GLB1: variants seen among roughly 807,000 people sequenced by gnomAD.
GLB1 encodes the protein beta-galactosidase.
GLB1 carries 56 observed loss-of-function variants against 74.0 expected under a neutral mutation model. The observed-to-expected ratio is 0.76, with a 90% CI of 0.61 to 0.94. The LOEUF (loss-of-function observed/expected upper bound fraction) is 0.94. GLB1 is among the 40% of genes least tolerant of loss of function. The pLI is 0.00. For missense variants in GLB1, 787 were observed against 845.5 expected (o/e 0.93, Z 0.86); for synonymous variants, 323 against 323.6 (o/e 1.00, Z 0.02).
chr3:33,078,462 T>C (rs1207752956), intron 1 of GLB1, among the ~76,000 whole-genome samples: 1 of 152,210 alleles, frequency 6.6e-6, no homozygotes, highest in Non-Finnish European at 1.5e-5. Flanking sequence ...TCTCATGTTA[T>C]GATTTAACAC....
chr3:33,041,867 A>C (rs1210172673), intron 10 of GLB1, among the ~76,000 whole-genome samples: 1 of 152,050 alleles, frequency 6.6e-6, no homozygotes, highest in East Asian at 1.9e-4. Context: ...CAAGCTGTGC[A>C]TTCATATATC....
Position 33,072,726 on chromosome 3 carries a change from G to T in GLB1, c.76-13C>A. 1.2e-6 allele frequency: 2 copies of T among 1,614,062 alleles called. No homozygotes were observed. Among genetic ancestry groups the T allele is most frequent in the Non-Finnish European group, 1.7e-6 (2 of 1,180,024 alleles). On this transcript the variant is annotated splice_polypyrimidine_tract_variant and intron_variant, in intron 1 of 15. Transcript: ENST00000307363. Reference sequence around the variant, plus strand: ...TCTGGGTGGCATTCTACAGAGCAAGGATGGGGTCACATGAGAACTTCCACC... The same window carrying T: ...TCTGGGTGGCATTCTACAGAGCAAGTATGGGGTCACATGAGAACTTCCACC...
chr3:32,970,934 A>G, the GLB1 span, among the ~76,000 whole-genome samples: 268 of 152,294 alleles, frequency 1.8e-3, 2 homozygotes, highest in African/African-American at 5.4e-3. Flanking sequence ...CCTCCCTCCT[A>G]TAAAGGGCCT....
intron 10 of GLB1, among the ~76,000 whole-genome samples, chr3:33,039,721 C>A (rs917817330): frequency 6.6e-6 from 1 of 152,030 alleles, no homozygotes; most frequent in African/African-American, 2.4e-5. Flanking sequence ...AGATAACAGC[C>A]AAGAATGTTC....
intron 1 of GLB1, chr3:33,092,871 G>A (rs1299580234): frequency 6.2e-7 from 1 of 1,612,338 alleles, no homozygotes; most frequent in East Asian, 2.2e-5. Context: ...TGTGATCTCG[G>A]CCCTGCTACC....
At chr3:33,075,320 C>G (rs1700067264) in intron 1 of GLB1, among the ~76,000 whole-genome samples, 1 of 152,156 alleles carries the variant, frequency 6.6e-6, no homozygotes, top group Non-Finnish European at 1.5e-5. Context: ...TGAAATCCAC[C>G]TGTCTAAGTG....
chr3:32,967,409 A>C, the GLB1 span, among the ~76,000 whole-genome samples: 1 of 152,226 alleles, frequency 6.6e-6, no homozygotes, highest in Non-Finnish European at 1.5e-5. Context: ...TCTACTAAAA[A>C]TACAAAAATT....
At chr3:32,976,591 G>T in the GLB1 span, among the ~76,000 whole-genome samples, 1 of 152,140 alleles carries the variant, frequency 6.6e-6, no homozygotes, top group Non-Finnish European at 1.5e-5. Context: ...TTGGCCATGG[G>T]AGGCAGCAGT....
chr3:33,077,887 A>G (rs72856166), intron 1 of GLB1, among the ~76,000 whole-genome samples: 2,096 of 152,104 alleles, frequency 0.014, 37 homozygotes, highest in African/African-American at 0.048. Context: ...ACTTTATTCA[A>G]TTGTAGAATG....
intron 15 of GLB1, among the ~76,000 whole-genome samples, chr3:33,000,519 G>T (rs1385690950): frequency 6.6e-6 from 1 of 152,194 alleles, no homozygotes; most frequent in Non-Finnish European, 1.5e-5. Context: ...TTGGGGTCAG[G>T]AGTTCGAGAC....
At position 33,041,687 on chromosome 3, in the gene GLB1, A is replaced by G. The variant is rs566782230; in HGVS notation, c.1068+4433T>C. Among the ~76,000 whole-genome samples, 34 of 152,042 alleles carry G rather than the reference A, an allele frequency of 2.2e-4. No homozygotes were observed. The South Asian group carries it at 6.7e-3, about 30-fold the overall frequency. On this transcript the variant is annotated intron_variant, in intron 10 of 15. Transcript: ENST00000307363. ...AAAAAAAAAAAAAAAGAAAGAAAGA[A>G]AAGAAAAACTGCATTTTGAAAATGA...
chr3:33,078,182 G>A (rs928480137), intron 1 of GLB1, among the ~76,000 whole-genome samples: 1 of 152,152 alleles, frequency 6.6e-6, no homozygotes, highest in East Asian at 1.9e-4. Flanking sequence ...AGGTCAAGGC[G>A]ATGGTGAGAT....
At chr3:33,092,668 C>T (rs1370582703) in intron 1 of GLB1, 5 of 1,402,384 alleles carry the variant, frequency 3.6e-6, no homozygotes, top group Admixed American at 2.9e-5. Flanking sequence ...CCTGAACATG[C>T]CAGGCAGGCC....
intron 1 of GLB1, among the ~76,000 whole-genome samples, chr3:33,081,445 G>T (rs1700321206): frequency 6.6e-6 from 1 of 152,190 alleles, no homozygotes; most frequent in Non-Finnish European, 1.5e-5. Context: ...GACTGCCTTG[G>T]CATCCTGAGA....
chr3:33,077,341 C>T, intron 1 of GLB1: 1 of 1,515,684 alleles, frequency 6.6e-7, no homozygotes, highest in South Asian at 1.1e-5. Context: ...TAATGAAAGC[C>T]TGTTGTGAAC....
intron 10 of GLB1, among the ~76,000 whole-genome samples, chr3:33,043,625 G>T (rs1176468792): frequency 1.3e-5 from 2 of 151,890 alleles, no homozygotes; most frequent in African/African-American, 2.4e-5. Context: ...ATATCAAGAA[G>T]TACAATGAAT....
chr3:33,083,160 G>A (rs1332958383), intron 1 of GLB1, among the ~76,000 whole-genome samples: 8 of 152,196 alleles, frequency 5.3e-5, no homozygotes. Context: ...CACTTTGGGA[G>A]GCCGAGGCAG....
At chr3:33,071,385 C>T (rs558162192) in intron 2 of GLB1, among the ~76,000 whole-genome samples, 15 of 152,208 alleles carry the variant, frequency 9.9e-5, no homozygotes, top group Non-Finnish European at 1.3e-4. Flanking sequence ...CACATCAGCA[C>T]TGCAAGAGCC....
chr3:32,984,637 G>A, the GLB1 span, among the ~76,000 whole-genome samples: 1 of 151,796 alleles, frequency 6.6e-6, no homozygotes, highest in Non-Finnish European at 1.5e-5. Context: ...AAATTAGCTT[G>A]GTGTTACCAG....
Sources: allele counts gnomAD v4.1 joint callset (sites outside exome capture counted in the v4.1 genomes callset), GRCh38; gene constraint gnomAD v4.1.1; transcripts MANE v1.5; gene names NCBI Gene and HGNC (gene_info 2026-07-23, HGNC 2026-07-21).